The following ATXN10 variants were observed in gnomAD, a reference collection of about 807,000 sequenced individuals.
ATXN10 encodes ataxin 10, also known as ataxin-10.
A neutral mutation model predicts 52.9 loss-of-function variants in ATXN10; 28 were observed. That is an observed-to-expected ratio of 0.53 (90% CI 0.39 to 0.73). ATXN10 has a LOEUF of 0.73. ATXN10 is among the 30% of genes least tolerant of loss of function. The pLI is 0.00. For synonymous variants in ATXN10, 226 were observed against 221.5 expected (o/e 1.02, Z -0.18); for missense variants, 565 against 577.0 (o/e 0.98, Z 0.21).
intron 1 of ATXN10, chr22:45,674,062 G>T (rs1922583794): frequency 6.6e-6 from 1 of 152,178 alleles, no homozygotes; most frequent in Non-Finnish European, 1.5e-5. Context: ...CTGCCTGTTA[G>T]ATCTTCCTGG....
At position 45,775,853 on chromosome 22, in the gene ATXN10, C is replaced by T. The variant is rs1473200536; in HGVS notation, c.1174-31106C>T. ...ACCTGATAGATCATTCCGCCCCTCA[C>T]AGCCAGCCGGGAGGTAACATTAACA... On this transcript the variant is annotated intron_variant, in intron 9 of 11. Transcript: ENST00000252934. The surrounding 1 kb of genome is among the most constrained non-coding windows in gnomAD (Gnocchi z 4.7). Among the ~76,000 whole-genome samples the T allele has an allele frequency of 6.6e-6, 1 of 151,756 alleles. No homozygotes were observed. Among genetic ancestry groups the T allele is most frequent in the Admixed American group, 6.5e-5 (1 of 15,268 alleles).
In ATXN10 at chr22:45,770,917, A is replaced by C. The variant is rs896207332; in HGVS notation, c.1173+30379A>C. On this transcript the variant is annotated intron_variant, in intron 9 of 11. Coordinates refer to ENST00000252934, the MANE Select transcript of ATXN10 (RefSeq NM_013236.4). The surrounding 1 kb of genome is among the most constrained non-coding windows in gnomAD (Gnocchi z 4.5). Reference sequence around the variant, plus strand: ...TCACTTGGAGAGAGAGGACAGAGCCACAGAGCCTTCTCAGAGAGAAGAACC... The same window carrying C: ...TCACTTGGAGAGAGAGGACAGAGCCCCAGAGCCTTCTCAGAGAGAAGAACC... 2.9e-4 allele frequency among the ~76,000 whole-genome samples: 44 copies of C among 152,318 alleles called. No homozygotes were observed. Among genetic ancestry groups the C allele is most frequent in the African/African-American group, 1.0e-3 (42 of 41,578 alleles).
intron 10 of ATXN10, among the ~76,000 whole-genome samples, chr22:45,838,530 G>A (rs1487405196): frequency 1.3e-5 from 2 of 152,208 alleles, no homozygotes; most frequent in Admixed American, 6.5e-5. Context: ...ATACAATAAA[G>A]CACTTCAGAT....
chr22:45,741,537 G>C lies in ATXN10; in HGVS notation c.1173+999G>C, dbSNP rs367792035. ...AAAGGTCTGGTGAAGGAACATCAAG[G>C]CATGAGATGTGTGCGAGAAACCATC... On this transcript the variant is annotated intron_variant, in intron 9 of 11. Transcript: ENST00000252934. Among the ~76,000 whole-genome samples the C allele has an allele frequency of 2.0e-4, 31 of 152,234 alleles. No individual in the cohort carries two copies. The East Asian group carries it at 3.9e-3, about 19-fold the overall frequency.
Position 45,770,514 on chromosome 22 carries a change from C to T in ATXN10, c.1173+29976C>T, listed in dbSNP as rs1168458949. 1.3e-5 allele frequency among the ~76,000 whole-genome samples: 2 copies of T among 152,192 alleles called. No homozygotes were observed. ...TGTGTTTCTTACGATCAGATAAATT[C>T]AAAGAAAGTTTAACATTGCAGAGGG... On this transcript the variant is annotated intron_variant, in intron 9 of 11. Transcript: ENST00000252934. The surrounding 1 kb of genome is among the most constrained non-coding windows in gnomAD (Gnocchi z 4.5).
At chr22:45,753,447 C>A (rs933177454) in intron 9 of ATXN10, among the ~76,000 whole-genome samples, 2 of 111,018 alleles carry the variant, frequency 1.8e-5, no homozygotes, top group Non-Finnish European at 3.3e-5. Context: ...TCGCTCTTGC[C>A]CAGGCTGGAG....
rs1179112272 is a variant in ATXN10, at chr22:45,678,180, T to C, written c.116+6001T>C. The C allele has an allele frequency of 6.6e-6, 1 of 152,178 alleles. No individual in the cohort carries two copies. The highest frequency in any genetic ancestry group is 1.5e-5 in the Non-Finnish European group (1 of 68,020). 9.4% of individuals were successfully genotyped at this position (152,178 alleles called of 1,614,324 possible). ...TAGTTGTACAACATTGTGAATATAA[T>C]TAAAGCCATTGAACTGTAGACTTAA... On this transcript the variant is annotated intron_variant, in intron 1 of 11. Transcript: ENST00000252934. The surrounding 1 kb of genome is among the most constrained non-coding windows in gnomAD (Gnocchi z 4.1).
At chr22:45,807,185 A>G (rs1245854913) in intron 10 of ATXN10, 163 bp downstream of exon 10, 3 of 721,380 alleles carry the variant, frequency 4.2e-6, no homozygotes, top group African/African-American at 3.5e-5. Flanking sequence ...GTGCTAGAAT[A>G]TCATTTCTGT....
intron 9 of ATXN10, among the ~76,000 whole-genome samples, chr22:45,748,858 G>A (rs1256805777): frequency 6.6e-6 from 1 of 152,142 alleles, no homozygotes; most frequent in East Asian, 1.9e-4. Flanking sequence ...AACAGTAAAT[G>A]AAATTAAAAT....
intron 9 of ATXN10, among the ~76,000 whole-genome samples, chr22:45,745,106 G>A (rs1032587827): frequency 1.3e-5 from 2 of 152,050 alleles, no homozygotes; most frequent in Non-Finnish European, 2.9e-5. Flanking sequence ...TTCTGTTTTG[G>A]TTTCTATTGT....
At chr22:45,830,719 C>CATGAATGTGGAGAAATCAGA (rs1928963741) in intron 10 of ATXN10, among the ~76,000 whole-genome samples, 1 of 150,370 alleles carries the variant, frequency 6.7e-6, no homozygotes, top group Non-Finnish European at 1.5e-5. Context: ...CAAGTCTTGG[C>CATGAATGTGGAGAAATCAGA]ATGAATGTGG....
intron 7 of ATXN10, 31 bp downstream of exon 7, chr22:45,729,621 A>G: frequency 6.2e-7 from 1 of 1,612,178 alleles, no homozygotes; most frequent in Non-Finnish European, 8.5e-7. Context: ...AATCTCGGGT[A>G]AAAGAGAATG....
At chr22:45,811,358 C>T (rs1289254300) in intron 10 of ATXN10, among the ~76,000 whole-genome samples, 1 of 152,100 alleles carries the variant, frequency 6.6e-6, no homozygotes, top group Non-Finnish European at 1.5e-5. Flanking sequence ...TTATTCTCAA[C>T]CTTTCTGTCT....
At position 45,677,113 on chromosome 22, in the gene ATXN10, A is replaced by T. The variant is rs1365134569; in HGVS notation, c.116+4934A>T. ...AGTGCTCTTCTGTAGTAAGTTTTCT[A>T]TAGGGGAGATTGTATTTTGACTCTT... On this transcript the variant is annotated intron_variant, in intron 1 of 11. Transcript: ENST00000252934. The surrounding 1 kb of genome is among the most constrained non-coding windows in gnomAD (Gnocchi z 4.1). 1 of 152,234 alleles carries T rather than the reference A, an allele frequency of 6.6e-6. No homozygotes were observed. Among genetic ancestry groups the T allele is most frequent in the Non-Finnish European group, 1.5e-5 (1 of 68,036 alleles). The allele number at this position is 152,234 out of a possible 1,614,324, so 9.4% of individuals were successfully genotyped here.
At position 45,696,746 on chromosome 22, in the gene ATXN10, G is replaced by A. The variant is rs1923623394; in HGVS notation, c.392-3536G>A. Among the ~76,000 whole-genome samples, 1 of 152,180 alleles carries A rather than the reference G, an allele frequency of 6.6e-6. No individual in the cohort carries two copies. The highest frequency in any genetic ancestry group is 2.1e-4 in the South Asian group (1 of 4,832). The stretch of plus-strand genomic sequence containing the variant: ...AAATGTGCTACAAAAGATGTATTTA[G>A]TTTTTACAATATATGGTAAAAGATT... On this transcript the variant is annotated intron_variant, in intron 3 of 11. Coordinates refer to ENST00000252934, the MANE Select transcript of ATXN10 (RefSeq NM_013236.4). The surrounding 1 kb of genome is among the most constrained non-coding windows in gnomAD (Gnocchi z 4.7).
intron 9 of ATXN10, among the ~76,000 whole-genome samples, chr22:45,801,849 A>G (rs1188642395): frequency 6.6e-6 from 1 of 152,238 alleles, no homozygotes; most frequent in Non-Finnish European, 1.5e-5. Flanking sequence ...CTGTGGTCTC[A>G]TGATGTGCTG....
chr22:45,694,940 CAAAAAA>C (rs748780048), intron 3 of ATXN10, among the ~76,000 whole-genome samples: 2 of 21,916 alleles, frequency 9.1e-5, no homozygotes, highest in African/African-American at 2.9e-4. Flanking sequence ...GACTCTGTCT[CAAAAAA>C]AAAAAAAAAA....
chr22:45,740,997 T>C (rs1925512536), intron 9 of ATXN10, among the ~76,000 whole-genome samples: 1 of 152,146 alleles, frequency 6.6e-6, no homozygotes, highest in South Asian at 2.1e-4. Flanking sequence ...AGTAGGCTGC[T>C]TTTAGAAACC....
rs1310252790 is a variant in ATXN10, at chr22:45,825,129, C to T, written c.1238-17862C>T. ...CTTGTGGGAGCCAGGTAGGGTGGGC[C>T]AAAAAGACCCTGACATGCAAATATC... On this transcript the variant is annotated intron_variant, in intron 10 of 11. Transcript: ENST00000252934. The surrounding 1 kb of genome is among the most constrained non-coding windows in gnomAD (Gnocchi z 4.5). 6.6e-6 allele frequency among the ~76,000 whole-genome samples: 1 copy of T among 152,070 alleles called. No homozygotes were observed. The highest frequency in any genetic ancestry group is 6.6e-5 in the Admixed American group (1 of 15,262).
Sources: allele counts gnomAD v4.1 joint callset (sites outside exome capture counted in the v4.1 genomes callset), GRCh38; gene constraint gnomAD v4.1.1; non-coding constraint Gnocchi (gnomAD v3.1); transcripts MANE v1.5; gene names NCBI Gene and HGNC (gene_info 2026-07-23, HGNC 2026-07-21).